MRPL47: variants seen among roughly 807,000 people sequenced by gnomAD.
The protein encoded by MRPL47 is mitochondrial ribosomal protein L47, also known as large ribosomal subunit protein uL29m.
MRPL47 carries 31 observed loss-of-function variants against 34.0 expected under a neutral mutation model. The observed-to-expected ratio is 0.91, with a 90% CI of 0.68 to 1.23. The LOEUF (loss-of-function observed/expected upper bound fraction) is 1.23, where lower values mean the gene tolerates loss of function less well. Ranked by LOEUF, MRPL47 falls within the 50% of genes most tolerant of loss-of-function variation. The probability of loss-of-function intolerance (pLI) is 0.00; values close to 1 mark genes in which losing one functional copy is unlikely to be tolerated. For missense variants in MRPL47, 328 were observed against 285.8 expected, an observed-to-expected ratio of 1.15 and a Z score of -1.07; for synonymous variants, 106 against 101.6, an observed-to-expected ratio of 1.04 and a Z score of -0.26.
chr3:179,598,839 C>A, intron 3 of MRPL47, 68 bp from the exon 4 acceptor site: 1 of 1,146,948 alleles, frequency 8.7e-7, no homozygotes, highest in Admixed American at 1.7e-5. Context: ...TGATTTCTGA[C>A]ATCAAAATTA....
At chr3:179,593,251 C>G (rs534763676) in intron 5 of MRPL47, among the ~76,000 whole-genome samples, 4 of 152,306 alleles carry the variant, frequency 2.6e-5, no homozygotes, top group African/African-American at 9.6e-5. Context: ...AAAAAATAAA[C>G]TACTTCATAA....
At chr3:179,603,070 C>G (rs796598546) in intron 1 of MRPL47, among the ~76,000 whole-genome samples, 18 of 152,002 alleles carry the variant, frequency 1.2e-4, no homozygotes, top group African/African-American at 4.3e-4. Context: ...CCATGCTTGG[C>G]CACAATAAAT....
At chr3:179,598,453 G>A (rs1373281100) in intron 4 of MRPL47, among the ~76,000 whole-genome samples, 6 of 127,518 alleles carry the variant, frequency 4.7e-5, no homozygotes, top group Admixed American at 1.6e-4. Flanking sequence ...CAAAAAACAC[G>A]TTGCAGGTAG....
intron 4 of MRPL47, among the ~76,000 whole-genome samples, chr3:179,594,495 A>T (rs907227404): frequency 1.1e-4 from 16 of 152,032 alleles, no homozygotes; most frequent in African/African-American, 3.9e-4. Flanking sequence ...ACATATATAT[A>T]TTTTTTAGAC....
rs758685634 is a variant in MRPL47, at chr3:179,592,700, A to G, written c.573T>C (p.Asn191=). The change falls in exon 6 of 7, where the codon AAT becomes AAC. Residue 191 remains asparagine (N), a synonymous_variant. Coordinates refer to ENST00000476781, the MANE Select transcript of MRPL47 (RefSeq NM_020409.3). The part of the protein sequence containing the change: ...FKQWVIPWHL[N]KRYNRKRFFA... ...AGAATCGTTTCCTATTGTATCTTTTATTTAGGTGCCAAGGTATAACCCACT... is the reference window on the plus strand; with the variant it reads ...AGAATCGTTTCCTATTGTATCTTTTGTTTAGGTGCCAAGGTATAACCCACT... The G allele has an allele frequency of 6.2e-7, 1 of 1,613,978 alleles. No individual in the cohort carries two copies. Among genetic ancestry groups the G allele is most frequent in the South Asian group, 1.1e-5 (1 of 91,072 alleles).
chr3:179,600,558 C>A (rs1718903919), intron 3 of MRPL47, among the ~76,000 whole-genome samples: 1 of 152,150 alleles, frequency 6.6e-6, no homozygotes, highest in African/African-American at 2.4e-5. Context: ...ATGAGAATTG[C>A]TTGAACCTGG....
intron 6 of MRPL47, among the ~76,000 whole-genome samples, chr3:179,591,493 A>C (rs905214580): frequency 2.0e-5 from 3 of 152,230 alleles, no homozygotes; most frequent in Admixed American, 1.3e-4. Flanking sequence ...TGAGTGGTTC[A>C]TGGGAACACT....
chr3:179,589,277 GACTA>G (rs1379294572), intron 6 of MRPL47, among the ~76,000 whole-genome samples: 1 of 152,126 alleles, frequency 6.6e-6, no homozygotes, highest in African/African-American at 2.4e-5. Flanking sequence ...ATCCTCATAT[GACTA>G]AGCATCATCT....
intron 4 of MRPL47, among the ~76,000 whole-genome samples, chr3:179,595,774 T>C (rs9831673): frequency 0.43 from 65,717 of 152,058 alleles, 16,672 homozygotes; most frequent in East Asian, 0.64. Context: ...AGATATACCT[T>C]ATTGAAAACA....
chr3:179,592,578 A>G (rs1718700675), intron 6 of MRPL47, 66 bp downstream of exon 6: 1 of 928,172 alleles, frequency 1.1e-6, no homozygotes, highest in Non-Finnish European at 1.7e-6. Flanking sequence ...GTCATCTGGT[A>G]TGATATATGA....
At chr3:179,598,397 G>GACACACACACACACACACACAC (rs11455585) in intron 4 of MRPL47, among the ~76,000 whole-genome samples, 72 of 102,932 alleles carry the variant, frequency 7.0e-4, no homozygotes, top group East Asian at 4.3e-3. Context: ...CTGACACACT[G>GACACACACACACACACACACAC]ACACACACAC....
intron 3 of MRPL47, among the ~76,000 whole-genome samples, chr3:179,599,621 A>C (rs564084979): frequency 1.4e-4 from 22 of 152,216 alleles, no homozygotes; most frequent in Non-Finnish European, 2.9e-4. Context: ...CTGAAACTGT[A>C]ATGTGATGTG....
chr3:179,597,268 G>A (rs1289870198), intron 4 of MRPL47, among the ~76,000 whole-genome samples: 2 of 152,142 alleles, frequency 1.3e-5, no homozygotes, highest in Admixed American at 6.5e-5. Flanking sequence ...GTAAATCAAT[G>A]AGGTTTCATT....
intron 3 of MRPL47, 102 bp from the exon 4 acceptor site, chr3:179,598,873 T>C (rs1207474586): frequency 3.7e-6 from 3 of 816,308 alleles, no homozygotes; most frequent in Non-Finnish European, 6.1e-6. Flanking sequence ...GAAAGTCACT[T>C]AGAGGCGAGG....
At chr3:179,600,400 C>T (rs900553771) in intron 3 of MRPL47, among the ~76,000 whole-genome samples, 1 of 151,176 alleles carries the variant, frequency 6.6e-6, no homozygotes, top group East Asian at 2.0e-4. Context: ...CAGCACTTTG[C>T]GAGGCCAAGG....
intron 5 of MRPL47, 61 bp from the exon 6 acceptor site, chr3:179,592,800 C>A (rs1576866003): frequency 9.7e-7 from 1 of 1,033,096 alleles, no homozygotes; most frequent in East Asian, 2.4e-5. Flanking sequence ...TTTCACTTTC[C>A]TAATTTACCT....
At chr3:179,600,233 T>C (rs1015682582) in intron 3 of MRPL47, among the ~76,000 whole-genome samples, 1 of 152,200 alleles carries the variant, frequency 6.6e-6, no homozygotes, top group Non-Finnish European at 1.5e-5. Flanking sequence ...TAACTAATAG[T>C]GCTTTAATAC....
intron 1 of MRPL47, 55 bp downstream of exon 1, chr3:179,604,472 C>T (rs1242324029): frequency 1.3e-6 from 2 of 1,535,818 alleles, no homozygotes; most frequent in Non-Finnish European, 1.8e-6. Flanking sequence ...ATCTCGGCAA[C>T]CAAACAAGAT....
At position 179,604,633 on chromosome 3, in the gene MRPL47, A is replaced by G. The variant is rs1052556526; in HGVS notation, c.-9T>C. The G allele has an allele frequency of 3.7e-6, 6 of 1,614,144 alleles. No individual in the cohort carries two copies. In the African/African-American group the frequency reaches 4.0e-5, roughly 11 times the overall value. ...AAACCGGCCGCAGCCATGTTTTCGC[A>G]TAACTGGCAAAACGCGTTTCCGCCA... On this transcript the variant is annotated 5_prime_UTR_variant, in exon 1 of 7. It removes an upstream start codon present in the reference 5' UTR. Transcript: ENST00000476781.
Sources: gnomAD v4.1 joint callset for allele counts (sites outside exome capture counted in the v4.1 genomes callset) on GRCh38, gnomAD v4.1.1 for gene constraint, MANE v1.5 for transcripts, NCBI Gene and HGNC (gene_info 2026-07-23, HGNC 2026-07-21) for gene names.